Variants in MGLL observed in about 807,000 individuals in gnomAD.
MGLL encodes the protein lysophospholipase homolog.
Under a neutral mutation model 29.1 loss-of-function variants are expected in MGLL, and 7 were observed. The ratio of observed to expected loss-of-function variants is 0.24; its 90% CI spans 0.14 to 0.45. MGLL has a LOEUF of 0.45. Among genes scored for constraint, MGLL ranks in the 20% least tolerant of loss-of-function variants. MGLL has a pLI of 0.99. For missense variants in MGLL, 356 were observed against 413.6 expected, an observed-to-expected ratio of 0.86 and a Z score of 1.21; for synonymous variants, 148 against 168.3, an observed-to-expected ratio of 0.88 and a Z score of 0.93.
intron 5 of MGLL, among the ~76,000 whole-genome samples, chr3:127,714,815 C>G (rs916261292): frequency 6.6e-6 from 1 of 152,186 alleles, no homozygotes; most frequent in African/African-American, 2.4e-5. Flanking sequence ...ATGAAGGAGA[C>G]TTCTAGAGTC....
At chr3:127,748,823 G>T (rs891790772) in intron 3 of MGLL, among the ~76,000 whole-genome samples, 4 of 152,006 alleles carry the variant, frequency 2.6e-5, no homozygotes, top group Admixed American at 1.3e-4. Flanking sequence ...TTTCATTTAC[G>T]CTCCAACAGC....
In MGLL at chr3:127,742,589, C is replaced by CAAA. The variant is rs60743176; in HGVS notation, c.263-20026_263-20024dup. ...TGGGAGACAGAGCGAGACTCCGTCC[C>CAAA]AAAAAAAAAAAAAAAAAAAAAAAAG... On this transcript the variant is annotated intron_variant, in intron 3 of 7. Transcript: ENST00000265052. Among the ~76,000 whole-genome samples, 285 of 70,392 alleles carry CAAA rather than the reference C, an allele frequency of 4.0e-3. 2 individuals are homozygous for CAAA. The highest frequency in any genetic ancestry group is 0.011 in the African/African-American group (183 of 16,500). 46.2% of individuals were successfully genotyped at this position (70,392 alleles called of 152,430 possible). A position where few individuals can be genotyped will look rare whatever the true frequency, so the allele number is the denominator to read the frequency against.
chr3:127,821,804 A>C lies in MGLL; in HGVS notation c.45T>G (p.Ser15Arg), dbSNP rs778744778. ...PEDPSSMPEE[S>R]SPRRTPQSIP... ...TGCTCTGCGGGGTCCGCCTGGGGGA[A>C]CTTTCCTCTGGCATGCTGGAAGGGT... is the stretch of plus-strand genomic sequence containing the variant. Residue 15 changes from serine to arginine, a missense_variant, in exon 2 of 8, where the codon AGT becomes AGG. Transcript: ENST00000265052. The C allele has an allele frequency of 6.2e-7, 1 of 1,613,966 alleles. No individual in the cohort carries two copies. Among genetic ancestry groups the C allele is most frequent in the Non-Finnish European group, 8.5e-7 (1 of 1,179,974 alleles).
chr3:127,754,113 A>G (rs763855294), intron 3 of MGLL, among the ~76,000 whole-genome samples: 28 of 152,162 alleles, frequency 1.8e-4, no homozygotes, highest in Admixed American at 5.9e-4. Context: ...TCTACGGAGG[A>G]GGCCACAGCC....
At chr3:127,738,914 G>A (rs1319825407) in intron 3 of MGLL, among the ~76,000 whole-genome samples, 7 of 152,172 alleles carry the variant, frequency 4.6e-5, no homozygotes, top group Non-Finnish European at 2.9e-5. Flanking sequence ...AATGCCCTAC[G>A]GCCACACGCA....
intron 5 of MGLL, among the ~76,000 whole-genome samples, chr3:127,718,416 G>A (rs2107618399): frequency 6.6e-6 from 1 of 152,310 alleles, no homozygotes; most frequent in South Asian, 2.1e-4. Flanking sequence ...GCTAGAGGGA[G>A]GAGGTGGGCT....
At chr3:127,779,739 C>A (rs1368435930) in intron 3 of MGLL, among the ~76,000 whole-genome samples, 1 of 152,198 alleles carries the variant, frequency 6.6e-6, no homozygotes, top group Non-Finnish European at 1.5e-5. Flanking sequence ...CCCTCCCCAA[C>A]CTTCTAAAGA....
Position 127,689,216 on chromosome 3 carries a change from G to A in MGLL, c.*2982C>T, listed in dbSNP as rs546213398. On this transcript the variant is annotated 3_prime_UTR_variant, in exon 8 of 8. Transcript: ENST00000265052. ...GCAAACCCAACAGCTGGCTTGTGAA[G>A]CCATCGTGATCCCAACAAGGTCTAT... 8.5e-5 allele frequency: 13 copies of A among 152,342 alleles called. No homozygotes were observed. The highest frequency in any genetic ancestry group is 2.9e-4 in the African/African-American group (12 of 41,568). 9.4% of individuals were successfully genotyped at this position (152,342 alleles called of 1,614,324 possible).
chr3:127,708,714 CG>C (rs946720083), intron 6 of MGLL, among the ~76,000 whole-genome samples: 8 of 152,190 alleles, frequency 5.3e-5, no homozygotes, highest in Non-Finnish European at 1.2e-4. Context: ...CTGGCACTGC[CG>C]CTACAAAGAT....
chr3:127,755,448 G>A lies in MGLL; in HGVS notation c.262+26341C>T, dbSNP rs184833659. ...GTAGGCCCCCAAACATGGGAGACAC[G>A]ATATGCCAGTTGTAGGTCAATGGGT... On this transcript the variant is annotated intron_variant, in intron 3 of 7. Transcript: ENST00000265052. Among the ~76,000 whole-genome samples the A allele has an allele frequency of 1.2e-4, 19 of 152,292 alleles. No homozygotes were observed. The East Asian group carries it at 3.3e-3, about 26-fold the overall frequency.
chr3:127,705,453 C>A (rs2075581938), intron 6 of MGLL, among the ~76,000 whole-genome samples: 1 of 151,630 alleles, frequency 6.6e-6, no homozygotes, highest in Non-Finnish European at 1.5e-5. Context: ...AAGAAATGGG[C>A]AAAGGATCTG....
intron 3 of MGLL, among the ~76,000 whole-genome samples, chr3:127,736,822 G>A (rs2076250127): frequency 6.6e-6 from 1 of 152,158 alleles, no homozygotes; most frequent in Non-Finnish European, 1.5e-5. Flanking sequence ...AGCTTCCCGA[G>A]TAACTGGGAC....
chr3:127,740,960 C>T (rs2076330012), intron 3 of MGLL, among the ~76,000 whole-genome samples: 1 of 152,210 alleles, frequency 6.6e-6, no homozygotes, highest in Non-Finnish European at 1.5e-5. Context: ...CTGCAGGTAC[C>T]AATGCCTGGC....
At chr3:127,710,807 T>A in intron 5 of MGLL, 142 bp from the exon 6 acceptor site, 1 of 748,108 alleles carries the variant, frequency 1.3e-6, no homozygotes, top group Non-Finnish European at 2.3e-6. Context: ...CCTGCGTCCT[T>A]AAGCCTGCAT....
intron 3 of MGLL, among the ~76,000 whole-genome samples, chr3:127,723,239 G>A (rs528209660): frequency 9.9e-5 from 15 of 152,236 alleles, no homozygotes; most frequent in Middle Eastern, 6.8e-3. Flanking sequence ...GACATCAGTC[G>A]CTATAGAAAC....
rs1559897704 is a variant in MGLL, at chr3:127,690,264, A to G, written c.*1934T>C. On this transcript the variant is annotated 3_prime_UTR_variant, in exon 8 of 8. Transcript: ENST00000265052. ...GGCGGGGCTGGCTTTCTCAGTGCATATTTTACATTTTTCTCCTTCAAAGAG... is the reference window on the plus strand; with the variant it reads ...GGCGGGGCTGGCTTTCTCAGTGCATGTTTTACATTTTTCTCCTTCAAAGAG... 2.0e-5 allele frequency: 3 copies of G among 152,020 alleles called. No homozygotes were observed. Among genetic ancestry groups the G allele is most frequent in the African/African-American group, 7.2e-5 (3 of 41,388 alleles). The allele number at this position is 152,020 out of a possible 1,614,324, so 9.4% of individuals were successfully genotyped here. A position where few individuals can be genotyped will look rare whatever the true frequency, so the allele number is the denominator to read the frequency against.
intron 3 of MGLL, among the ~76,000 whole-genome samples, chr3:127,722,924 C>T (rs779243758): frequency 2.6e-5 from 4 of 152,192 alleles, no homozygotes; most frequent in African/African-American, 4.8e-5. Flanking sequence ...GGGAGTAAGA[C>T]GAAGAAGGCT....
chr3:127,692,122 C>G lies in MGLL; in HGVS notation c.*76G>C. The G allele has an allele frequency of 1.2e-6, 1 of 828,472 alleles. No individual in the cohort carries two copies. The highest frequency in any genetic ancestry group is 1.8e-6 in the Non-Finnish European group (1 of 547,300). 51.3% of individuals were successfully genotyped at this position (828,472 alleles called of 1,614,324 possible). A position where few individuals can be genotyped will look rare whatever the true frequency, so the allele number is the denominator to read the frequency against. On this transcript the variant is annotated 3_prime_UTR_variant, in exon 8 of 8. Transcript: ENST00000265052. ...TTTTTTTTTTTTTTTTTTTGGCAAG[C>G]CATATCTGAGAAGCCATCTCTGCCC...
upstream of MGLL, chr3:127,822,806 G>T (rs918779106): frequency 6.1e-6 from 1 of 163,050 alleles, no homozygotes; most frequent in African/African-American, 2.4e-5. Context: ...GGAAAACCGG[G>T]TGGGCTTCGC....
Sources: gnomAD v4.1 joint callset for allele counts (sites outside exome capture counted in the v4.1 genomes callset) on GRCh38, gnomAD v4.1.1 for gene constraint, MANE v1.5 for transcripts, NCBI Gene and HGNC (gene_info 2026-07-23, HGNC 2026-07-21) for gene names.